Variants in NAV3 observed in about 807,000 individuals in gnomAD.
NAV3 encodes pore membrane and/or filament interacting like protein 1.
NAV3 carries 87 observed loss-of-function variants against 244.7 expected under a neutral mutation model. The observed-to-expected ratio is 0.36, with a 90% CI of 0.30 to 0.42. The LOEUF (loss-of-function observed/expected upper bound fraction) is 0.42. Among genes scored for constraint, NAV3 ranks in the 20% least tolerant of loss-of-function variants. The pLI is 1.00. For synonymous variants in NAV3, 1,126 were observed against 1,042.2 expected, an observed-to-expected ratio of 1.08 and a Z score of -1.55; for missense variants, 2,663 against 2,893.3, an observed-to-expected ratio of 0.92 and a Z score of 1.83.
At chr12:77,833,588 T>A (rs897787299) in intron 1 of NAV3, among the ~76,000 whole-genome samples, 1 of 152,196 alleles carries the variant, frequency 6.6e-6, no homozygotes, top group Non-Finnish European at 1.5e-5. Context: ...TGGGCGTGTG[T>A]TACAGTGTGT....
intron 2 of NAV3, among the ~76,000 whole-genome samples, chr12:77,579,238 G>A (rs1013302607): frequency 5.3e-5 from 8 of 152,202 alleles, no homozygotes; most frequent in Non-Finnish European, 1.0e-4. Context: ...AACCAAATTA[G>A]TTGTGTGGCT....
At chr12:77,888,108 T>C (rs1371247404) in intron 1 of NAV3, among the ~76,000 whole-genome samples, 1 of 152,002 alleles carries the variant, frequency 6.6e-6, no homozygotes, top group Non-Finnish European at 1.5e-5. Flanking sequence ...TATGATGATT[T>C]TAACCATGGG....
intron 2 of NAV3, among the ~76,000 whole-genome samples, chr12:77,778,653 A>C (rs944403820): frequency 6.6e-6 from 1 of 151,940 alleles, no homozygotes; most frequent in African/African-American, 2.4e-5. Flanking sequence ...TATATTAACA[A>C]TGGGAAAGAG....
At chr12:77,905,559 A>G (rs1565908213) in intron 1 of NAV3, among the ~76,000 whole-genome samples, 3 of 151,868 alleles carry the variant, frequency 2.0e-5, no homozygotes, top group Admixed American at 6.6e-5. Context: ...CCTTTTTCAC[A>G]TTTACTTTCA....
intron 12 of NAV3, among the ~76,000 whole-genome samples, chr12:78,081,498 C>A (rs1953350744): frequency 6.6e-6 from 1 of 152,174 alleles, no homozygotes; most frequent in African/African-American, 2.4e-5. Context: ...GGATGCTCCT[C>A]CGAGCTTGAG....
chr12:78,057,196 A>G (rs907790148), intron 11 of NAV3, among the ~76,000 whole-genome samples: 1 of 152,224 alleles, frequency 6.6e-6, no homozygotes, highest in African/African-American at 2.4e-5. Context: ...ATTTTAATTG[A>G]GTGGAAATTG....
rs1006776246 is a variant in NAV3, at chr12:78,058,198, A to G, written c.2517-798A>G. ...TCTATTAGTGTGTTCTCACTCTGCT[A>G]ATAAAGACATATTTGAGACTGGGTG... On this transcript the variant is annotated intron_variant, in intron 11 of 39. Transcript: ENST00000397909. 1.1e-4 allele frequency among the ~76,000 whole-genome samples: 16 copies of G among 152,170 alleles called. No homozygotes were observed. In the East Asian group the frequency reaches 3.1e-3, roughly 29 times the overall value.
chr12:78,171,292 T>G (rs1397886487), intron 24 of NAV3, among the ~76,000 whole-genome samples: 1 of 151,622 alleles, frequency 6.6e-6, no homozygotes, highest in Non-Finnish European at 1.5e-5. Context: ...CGTAAATAGG[T>G]CCAGAAGGGA....
rs139513026 is a variant in NAV3 at position 77,845,029 on chromosome 12, AAC to A, written c.243+13331_243+13332del. Among the ~76,000 whole-genome samples, 1,014 of 152,278 alleles carry A rather than the reference AAC, an allele frequency of 6.7e-3. 11 individuals are homozygous for A. Among genetic ancestry groups the A allele is most frequent in the African/African-American group, 0.023 (970 of 41,542 alleles). The stretch of plus-strand genomic sequence containing the variant: ...TTTTTGGAAGCAAATGAGACCTACA[AAC>A]ACACAATTTTTAGCACAGGCTATTC... On this transcript the variant is annotated intron_variant, in intron 1 of 39. Transcript: ENST00000397909.
intron 5 of NAV3, among the ~76,000 whole-genome samples, chr12:77,982,221 G>GGCTTAATAGACGTGTTAATT: frequency 7.7e-6 from 1 of 129,516 alleles, no homozygotes; most frequent in Non-Finnish European, 1.8e-5. Context: ...ATGGCTTAAT[G>GGCTTAATAGACGTGTTAATT]AAAGATGATT....
intron 5 of NAV3, among the ~76,000 whole-genome samples, chr12:77,991,236 G>C (rs1220455701): frequency 6.6e-6 from 1 of 151,968 alleles, no homozygotes; most frequent in Non-Finnish European, 1.5e-5. Flanking sequence ...ATGTTGGCCA[G>C]GCTGGTCTCA....
At chr12:77,721,059 G>A (rs1179723135) in intron 2 of NAV3, among the ~76,000 whole-genome samples, 10 of 152,108 alleles carry the variant, frequency 6.6e-5, no homozygotes, top group Non-Finnish European at 1.3e-4. Context: ...AATCGGAGGA[G>A]CATGTGCTAT....
chr12:77,719,356 G>A (rs1876507408), intron 2 of NAV3, among the ~76,000 whole-genome samples: 1 of 150,070 alleles, frequency 6.7e-6, no homozygotes, highest in Admixed American at 6.6e-5. Flanking sequence ...AATAGAAATT[G>A]TGAGAGTAGG....
At chr12:77,797,051 G>A (rs142760335) in intron 2 of NAV3, among the ~76,000 whole-genome samples, 189 of 152,250 alleles carry the variant, frequency 1.2e-3, no homozygotes, top group African/African-American at 3.9e-3. Context: ...TCTAAGATGT[G>A]TAGCCTTGGT....
intron 2 of NAV3, among the ~76,000 whole-genome samples, chr12:77,650,647 A>C (rs1159227265): frequency 6.6e-6 from 1 of 152,160 alleles, no homozygotes; most frequent in Non-Finnish European, 1.5e-5. Flanking sequence ...TTATTACTTC[A>C]ATTTAAAAAC....
intron 2 of NAV3, among the ~76,000 whole-genome samples, chr12:77,822,224 A>G (rs1046653803): frequency 2.6e-5 from 4 of 152,212 alleles, no homozygotes; most frequent in East Asian, 1.9e-4. Flanking sequence ...CATAGAGCAT[A>G]TATAAACAAT....
At chr12:77,862,761 T>C (rs1879436762) in intron 1 of NAV3, among the ~76,000 whole-genome samples, 1 of 151,810 alleles carries the variant, frequency 6.6e-6, no homozygotes, top group African/African-American at 2.4e-5. Context: ...TCTTAAAACA[T>C]TATTTTGATT....
At chr12:77,728,840 G>C (rs1414909267) in intron 2 of NAV3, among the ~76,000 whole-genome samples, 1 of 108,204 alleles carries the variant, frequency 9.2e-6, no homozygotes, top group Non-Finnish European at 1.8e-5. Context: ...CTCTTCTCCT[G>C]GCTCCCCTTC....
chr12:77,880,748 T>C (rs2136603479), intron 1 of NAV3, among the ~76,000 whole-genome samples: 2 of 152,290 alleles, frequency 1.3e-5, no homozygotes, highest in South Asian at 4.1e-4. Context: ...AACAATTGCC[T>C]ATGCTATTTA....
Sources: gnomAD v4.1 joint callset for allele counts (sites outside exome capture counted in the v4.1 genomes callset) on GRCh38, gnomAD v4.1.1 for gene constraint, MANE v1.5 for transcripts, NCBI Gene and HGNC (gene_info 2026-07-23, HGNC 2026-07-21) for gene names.